FSCN2: variants seen among roughly 807,000 people sequenced by gnomAD.
FSCN2 encodes the protein fascin actin-bundling protein 2, retinal.
FSCN2 carries 46 observed loss-of-function variants against 37.8 expected under a neutral mutation model. The ratio of observed to expected loss-of-function variants is 1.22; its 90% CI spans 0.96 to 1.56. The LOEUF is 1.56. Among genes scored for constraint, FSCN2 ranks in the 40% most tolerant of loss-of-function variants. The probability of loss-of-function intolerance (pLI) is 0.00; values close to 1 mark genes in which losing one functional copy is unlikely to be tolerated. For synonymous variants in FSCN2, 351 were observed against 309.4 expected (o/e 1.13, Z -1.41); for missense variants, 844 against 730.4 (o/e 1.16, Z -1.79).
At chr17:81,534,335 G>C (rs547598665) in intron 1 of FSCN2, among the ~76,000 whole-genome samples, 1 of 152,272 alleles carries the variant, frequency 6.6e-6, no homozygotes, top group Admixed American at 6.5e-5. Flanking sequence ...GAGTCCCTGG[G>C]CCTTGTGGGA....
the FSCN2 span, among the ~76,000 whole-genome samples, chr17:81,518,743 A>T: frequency 3.9e-5 from 6 of 152,134 alleles, no homozygotes; most frequent in African/African-American, 1.2e-4. Flanking sequence ...TCTGGCCAGC[A>T]GCTCGCCCAA....
intron 2 of FSCN2, 73 bp from the exon 3 acceptor site, chr17:81,536,070 TGAG>T (rs1469697906): frequency 1.8e-5 from 27 of 1,536,468 alleles, no homozygotes; most frequent in African/African-American, 4.1e-5. Context: ...CCTTGGAACC[TGAG>T]GAGGATGGGG....
chr17:81,530,997 C>A (rs948028419), intron 1 of FSCN2, among the ~76,000 whole-genome samples: 4 of 152,268 alleles, frequency 2.6e-5, no homozygotes, highest in Admixed American at 2.6e-4. Flanking sequence ...GCCAAAGACA[C>A]TAGACCTTTA....
the FSCN2 span, among the ~76,000 whole-genome samples, chr17:81,518,496 G>C: frequency 2.0e-5 from 3 of 152,140 alleles, no homozygotes; most frequent in Admixed American, 1.3e-4. Flanking sequence ...GCAGAGGAAG[G>C]CTAGGCCGAT....
chr17:81,516,615 A>G, the FSCN2 span, among the ~76,000 whole-genome samples: 1 of 152,168 alleles, frequency 6.6e-6, no homozygotes, highest in African/African-American at 2.4e-5. Context: ...GGTTTCCTGC[A>G]ACTCGGCCTG....
chr17:81,532,716 G>T (rs1240572809), intron 1 of FSCN2, among the ~76,000 whole-genome samples: 7 of 150,862 alleles, frequency 4.6e-5, no homozygotes, highest in Non-Finnish European at 3.0e-5. Context: ...AGTGATGGTG[G>T]TGGTGATAGT....
chr17:81,534,404 GT>G (rs2143892080), intron 1 of FSCN2, among the ~76,000 whole-genome samples: 1 of 152,298 alleles, frequency 6.6e-6, no homozygotes, highest in African/African-American at 2.4e-5. Context: ...CAGGGAGGTG[GT>G]TTGTGGGAGG....
Position 81,537,108 on chromosome 17 carries a change from A to G in FSCN2, c.*28A>G, listed in dbSNP as rs1422839960. 2 of 1,383,266 alleles carry G rather than the reference A, an allele frequency of 1.4e-6. No individual in the cohort carries two copies. Among genetic ancestry groups the G allele is most frequent in the African/African-American group, 3.1e-5 (2 of 65,296 alleles). 85.7% of individuals were successfully genotyped at this position (1,383,266 alleles called of 1,614,324 possible). On this transcript the variant is annotated 3_prime_UTR_variant, in exon 5 of 5. Coordinates refer to ENST00000417245, the MANE Select transcript of FSCN2 (RefSeq NM_012418.4). The stretch of plus-strand genomic sequence containing the variant: ...CCGCGCCCAGACCAGCCTGTCGCGC[A>G]TTAAAACCGTGTCTCTCCCGCAGCT...
At chr17:81,532,535 A>ATAGTGATGGTGGTGATG (rs1568079566) in intron 1 of FSCN2, among the ~76,000 whole-genome samples, 3 of 35,606 alleles carry the variant, frequency 8.4e-5, no homozygotes, top group East Asian at 1.2e-3. Flanking sequence ...TGATGATGAT[A>ATAGTGATGGTGGTGATG]GTGATGGTGG....
chr17:81,526,903 C>T (rs2032367963), upstream of FSCN2, among the ~76,000 whole-genome samples: 1 of 152,236 alleles, frequency 6.6e-6, no homozygotes, highest in Non-Finnish European at 1.5e-5. Flanking sequence ...ATGAGGCCAG[C>T]ACACAGGGAG....
rs933344466 is a variant in FSCN2 at position 81,529,224 on chromosome 17, C to T, written c.693C>T (p.Pro231=). The change falls in exon 1 of 5, where the codon CCC becomes CCT. Residue 231 remains proline (P), a synonymous_variant. Coordinates refer to ENST00000417245, the MANE Select transcript of FSCN2 (RefSeq NM_012418.4). ...ACTGCGACGGCCACTACCTGGCACC[C>T]GTGGGGCCCGCAGGCACCCTCAAGG... The part of the protein sequence containing the change: ...FKDCDGHYLA[P]VGPAGTLKAG... 5.0e-6 allele frequency: 8 copies of T among 1,599,272 alleles called. No individual in the cohort carries two copies. Among genetic ancestry groups the T allele is most frequent in the South Asian group, 4.5e-5 (4 of 88,974 alleles).
upstream of FSCN2, among the ~76,000 whole-genome samples, chr17:81,524,919 A>ACC (rs1555669885): frequency 1.2e-4 from 17 of 142,468 alleles, no homozygotes; most frequent in Non-Finnish European, 2.1e-4. Flanking sequence ...ACACACACAC[A>ACC]CCACACTCAC....
intron 1 of FSCN2, among the ~76,000 whole-genome samples, chr17:81,531,546 GTGATGGCGA>G (rs2032604553): frequency 8.5e-6 from 1 of 117,922 alleles, no homozygotes; most frequent in Admixed American, 8.8e-5. Context: ...GGTGATGATG[GTGATGGCGA>G]TGATGGTGAT....
the FSCN2 span, among the ~76,000 whole-genome samples, chr17:81,519,484 G>A: frequency 1.3e-5 from 2 of 152,184 alleles, no homozygotes; most frequent in East Asian, 1.9e-4. Context: ...CGAGAAGGCC[G>A]GGAATGGCGG....
Position 81,536,598 on chromosome 17 carries a change from C to T in FSCN2, c.1106-24C>T, listed in dbSNP as rs981762879. 3.7e-5 allele frequency: 59 copies of T among 1,605,368 alleles called. No homozygotes were observed. Among genetic ancestry groups the T allele is most frequent in the Non-Finnish European group, 4.0e-5 (47 of 1,179,448 alleles). On this transcript the variant is annotated intron_variant, in intron 3 of 4. Transcript: ENST00000417245. ...ACAGGGAAGGTGGCGGGAGGGGCAG[C>T]GCAGCAGACGCTCTCCCCGCCAGGC...
chr17:81,529,841 G>A (rs781990017), intron 1 of FSCN2, among the ~76,000 whole-genome samples: 7 of 152,160 alleles, frequency 4.6e-5, no homozygotes, highest in Non-Finnish European at 1.0e-4. Context: ...ACAGAGTCTC[G>A]CTCTGTCACC....
At chr17:81,521,993 T>C in the FSCN2 span, among the ~76,000 whole-genome samples, 1 of 152,198 alleles carries the variant, frequency 6.6e-6, no homozygotes, top group African/African-American at 2.4e-5. Flanking sequence ...GTTATAACGT[T>C]TTGTTGTCAT....
rs1281862177 is a variant in FSCN2, at chr17:81,531,754, TGGC to T, written c.826+2399_826+2401del. 5.9e-5 allele frequency among the ~76,000 whole-genome samples: 8 copies of T among 136,376 alleles called. No individual in the cohort carries two copies. The South Asian group carries it at 7.6e-4, about 13-fold the overall frequency. The allele number at this position is 136,376 out of a possible 152,430, so 89.5% of individuals were successfully genotyped here. On this transcript the variant is annotated intron_variant, in intron 1 of 4. Coordinates refer to ENST00000417245, the MANE Select transcript of FSCN2 (RefSeq NM_012418.4). ...ATGGTGATGATGGTGATGATAGTGA[TGGC>T]GATGATGGTGATGATAGTGATGGTG...
chr17:81,523,911 C>A (rs1169959598), upstream of FSCN2: 2 of 152,414 alleles, frequency 1.3e-5, no homozygotes, highest in African/African-American at 4.8e-5. Flanking sequence ...GCAGGGCATC[C>A]AGCCTGGAGC....
Sources: allele counts gnomAD v4.1 joint callset (sites outside exome capture counted in the v4.1 genomes callset), GRCh38; gene constraint gnomAD v4.1.1; transcripts MANE v1.5; gene names NCBI Gene and HGNC (gene_info 2026-07-23, HGNC 2026-07-21).